ADK: variants seen among roughly 807,000 people sequenced by gnomAD.
ADK encodes N6,N6-dimethyladenosine kinase.
A neutral mutation model predicts 44.7 loss-of-function variants in ADK; 24 were observed. That is an observed-to-expected ratio of 0.54 (90% CI 0.39 to 0.76). ADK has a LOEUF of 0.76. Ranked by LOEUF, ADK falls within the 30% of genes least tolerant of loss-of-function variation. ADK has a pLI of 0.00. For missense variants in ADK, 321 were observed against 425.1 expected (o/e 0.76, Z 2.15); for synonymous variants, 128 against 142.6 (o/e 0.90, Z 0.73).
intron 7 of ADK, among the ~76,000 whole-genome samples, chr10:74,535,376 T>C (rs1849414885): frequency 6.6e-6 from 1 of 152,052 alleles, no homozygotes; most frequent in South Asian, 2.1e-4. Context: ...GGTGGGAGGA[T>C]CGCTTGCACC....
chr10:74,464,684 A>G (rs1846288700), intron 6 of ADK, among the ~76,000 whole-genome samples: 1 of 152,118 alleles, frequency 6.6e-6, no homozygotes, highest in African/African-American at 2.4e-5. Context: ...TTTATTCAAG[A>G]CATACATACA....
rs1465242524 is a variant in ADK at position 74,311,500 on chromosome 10, G to C, written c.195-3167G>C. Among the ~76,000 whole-genome samples, 6 of 152,070 alleles carry C rather than the reference G, an allele frequency of 3.9e-5. No homozygotes were observed. In the East Asian group the frequency reaches 9.6e-4, roughly 24 times the overall value. ...TTTATTCTTTCTTTATATTATGCTAGAGCTTGTAGGCTCTGTACTAACACA... is the reference window on the plus strand; with the variant it reads ...TTTATTCTTTCTTTATATTATGCTACAGCTTGTAGGCTCTGTACTAACACA... On this transcript the variant is annotated intron_variant, in intron 3 of 10. Coordinates refer to ENST00000539909, the MANE Select transcript of ADK (RefSeq NM_006721.4).
At position 74,200,795 on chromosome 10, in the gene ADK, C is replaced by T. The variant is rs1843351831; in HGVS notation, c.97C>T (p.Leu33=). The change falls in exon 2 of 11, where the codon CTG becomes TTG. Residue 33 remains leucine, a synonymous_variant. Coordinates refer to ENST00000539909, the MANE Select transcript of ADK (RefSeq NM_006721.4). ...TATTCTCTTTGGAATGGGAAATCCTCTGCTTGACATCTCTGCTGTAGTGGA... is the reference window on the plus strand; with the variant it reads ...TATTCTCTTTGGAATGGGAAATCCTTTGCTTGACATCTCTGCTGTAGTGGA... The part of the protein sequence containing the change: ...ENILFGMGNP[L]LDISAVVDKD... 1.9e-6 allele frequency: 3 copies of T among 1,611,770 alleles called. No homozygotes were observed. In the East Asian group the frequency reaches 6.7e-5, roughly 36 times the overall value.
intron 10 of ADK, among the ~76,000 whole-genome samples, chr10:74,695,960 T>A (rs910099632): frequency 1.3e-5 from 2 of 151,992 alleles, no homozygotes; most frequent in African/African-American, 4.8e-5. Flanking sequence ...ATTCTTAAAT[T>A]TTTTTTAGTC....
intron 4 of ADK, among the ~76,000 whole-genome samples, chr10:74,331,987 G>A (rs1388276670): frequency 3.9e-5 from 6 of 152,082 alleles, no homozygotes; most frequent in African/African-American, 1.4e-4. Context: ...CTGAGTAGCT[G>A]GGATTACAGG....
chr10:74,156,495 G>T (rs1841753434), intron 1 of ADK, among the ~76,000 whole-genome samples: 1 of 152,128 alleles, frequency 6.6e-6, no homozygotes, highest in Admixed American at 6.5e-5. Context: ...GGTTCCTGTT[G>T]TCCCAACCAC....
chr10:74,604,858 G>A lies in ADK; in HGVS notation c.877+4365G>A, dbSNP rs541642993. On this transcript the variant is annotated intron_variant, in intron 9 of 10. Coordinates refer to ENST00000539909, the MANE Select transcript of ADK (RefSeq NM_006721.4). ...CTTTGGGTAGTATGACCATTTTCAC[G>A]ATATTCTTCCTATCCGTGAGCATGG... Among the ~76,000 whole-genome samples, 18 of 152,034 alleles carry A rather than the reference G, an allele frequency of 1.2e-4. 2 individuals carry two copies. Among genetic ancestry groups the A allele is most frequent in the African/African-American group, 4.1e-4 (17 of 41,498 alleles).
chr10:74,349,069 C>CTCCCCCTACG, intron 4 of ADK, among the ~76,000 whole-genome samples: 1 of 151,858 alleles, frequency 6.6e-6, no homozygotes, highest in Non-Finnish European at 1.5e-5. Context: ...GAGAACACTG[C>CTCCCCCTACG]AAAGATACTC....
intron 9 of ADK, among the ~76,000 whole-genome samples, chr10:74,617,048 A>T (rs192730775): frequency 1.3e-4 from 20 of 152,252 alleles, no homozygotes; most frequent in African/African-American, 4.3e-4. Flanking sequence ...TCTTTTTCAC[A>T]TATTAACTGC....
chr10:74,437,612 T>G (rs1316967040), intron 6 of ADK, among the ~76,000 whole-genome samples: 2 of 152,196 alleles, frequency 1.3e-5, no homozygotes, highest in Non-Finnish European at 2.9e-5. Context: ...TTACAGACCA[T>G]TAGTATTTTT....
Position 74,520,234 on chromosome 10 carries a change from A to G in ADK, c.556-5022A>G, listed in dbSNP as rs553929153. The stretch of plus-strand genomic sequence containing the variant: ...GATGGACCCAAATAGATTAAAATCT[A>G]CTGTTTCAAATATTTCAAAATAATA... On this transcript the variant is annotated intron_variant, in intron 6 of 10. Transcript: ENST00000539909. 3.9e-5 allele frequency among the ~76,000 whole-genome samples: 6 copies of G among 152,088 alleles called. No homozygotes were observed. The South Asian group carries it at 6.2e-4, about 16-fold the overall frequency.
chr10:74,371,786 A>G (rs2131975889), intron 4 of ADK: 1 of 1,312,462 alleles, frequency 7.6e-7, no homozygotes, highest in East Asian at 2.3e-5. Flanking sequence ...ATATTGGCCA[A>G]AGGGCTGTGC....
At chr10:74,665,736 T>TGA (rs59620474) in intron 9 of ADK, among the ~76,000 whole-genome samples, 6,469 of 116,050 alleles carry the variant, frequency 0.056, 213 homozygotes, top group Non-Finnish European at 0.065. Context: ...CCTTAGCTCT[T>TGA]GAGAGAGAGA....
chr10:74,564,927 T>C (rs1850597252), intron 7 of ADK, among the ~76,000 whole-genome samples: 1 of 152,088 alleles, frequency 6.6e-6, no homozygotes, highest in Non-Finnish European at 1.5e-5. Flanking sequence ...CATAATCCCT[T>C]ATAGTTCAGT....
At chr10:74,569,768 T>G (rs1850863761) in intron 7 of ADK, among the ~76,000 whole-genome samples, 1 of 152,248 alleles carries the variant, frequency 6.6e-6, no homozygotes, top group African/African-American at 2.4e-5. Flanking sequence ...GCAGAAGCTC[T>G]TTAGCTTAAT....
intron 7 of ADK, among the ~76,000 whole-genome samples, chr10:74,564,988 T>C (rs1850600759): frequency 6.6e-6 from 1 of 152,292 alleles, no homozygotes; most frequent in Non-Finnish European, 1.5e-5. Context: ...CTTCAATAGC[T>C]TTCTGTGTTG....
At chr10:74,368,566 A>C (rs1007903629) in intron 4 of ADK, among the ~76,000 whole-genome samples, 1 of 151,916 alleles carries the variant, frequency 6.6e-6, no homozygotes. Context: ...TAGTGGTTTC[A>C]TGGTCTTATT....
chr10:74,431,126 A>C (rs1844980631), intron 6 of ADK, among the ~76,000 whole-genome samples: 1 of 150,928 alleles, frequency 6.6e-6, no homozygotes, highest in African/African-American at 2.4e-5. Context: ...GGTAGCTTAG[A>C]CTTATGGTGG....
chr10:74,342,172 C>T (rs1260129714), intron 4 of ADK, among the ~76,000 whole-genome samples: 1 of 152,108 alleles, frequency 6.6e-6, no homozygotes, highest in African/African-American at 2.4e-5. Context: ...TGTCAATTTA[C>T]ACAATGAGTA....
Sources: gnomAD v4.1 joint callset for allele counts (sites outside exome capture counted in the v4.1 genomes callset) on GRCh38, gnomAD v4.1.1 for gene constraint, MANE v1.5 for transcripts, NCBI Gene and HGNC (gene_info 2026-07-23, HGNC 2026-07-21) for gene names.